MED27: variants seen among roughly 807,000 people sequenced by gnomAD.
MED27 encodes the protein mediator complex subunit 27.
Under a neutral mutation model 38.2 loss-of-function variants are expected in MED27, and 30 were observed. The observed-to-expected ratio is 0.79, with a 90% CI of 0.59 to 1.07. MED27 has a LOEUF of 1.07. MED27 is among the 50% of genes least tolerant of loss of function. The pLI, the probability that MED27 is intolerant of heterozygous loss-of-function variation, is 0.00. For synonymous variants in MED27, 122 were observed against 153.5 expected (o/e 0.79, Z 1.52); for missense variants, 289 against 397.5 (o/e 0.73, Z 2.32).
At chr9:132,006,454 G>C (rs1042468696) in intron 3 of MED27, among the ~76,000 whole-genome samples, 8 of 152,128 alleles carry the variant, frequency 5.3e-5, no homozygotes, top group Admixed American at 5.2e-4. Flanking sequence ...TAACATAAAT[G>C]AATCAGCATA....
chr9:132,029,123 A>C (rs975962511), intron 2 of MED27, among the ~76,000 whole-genome samples: 2 of 152,180 alleles, frequency 1.3e-5, no homozygotes, highest in Non-Finnish European at 2.9e-5. Flanking sequence ...TCCAACTCCT[A>C]TCAAAAATCT....
At chr9:131,884,496 TGGCTCTTCTTATACTCCCTTG>T (rs1197890384) in intron 5 of MED27, among the ~76,000 whole-genome samples, 2 of 152,192 alleles carry the variant, frequency 1.3e-5, no homozygotes, top group African/African-American at 4.8e-5. Flanking sequence ...AACCCCCATG[TGGCTCTTCTTATACTCCCTTG>T]AGCTCAAATG....
At chr9:131,876,394 G>A (rs1838933827) in intron 6 of MED27, among the ~76,000 whole-genome samples, 1 of 152,304 alleles carries the variant, frequency 6.6e-6, no homozygotes, top group South Asian at 2.1e-4. Context: ...CCATAAAACT[G>A]GGTTCATGTG....
intron 4 of MED27, among the ~76,000 whole-genome samples, chr9:131,896,973 G>A (rs113248320): frequency 2.0e-5 from 3 of 152,158 alleles, no homozygotes; most frequent in Non-Finnish European, 4.4e-5. Context: ...CTCATGGTCC[G>A]CCCGCCTTGG....
chr9:131,903,969 G>C (rs1322999693), intron 4 of MED27, among the ~76,000 whole-genome samples: 1 of 151,396 alleles, frequency 6.6e-6, no homozygotes, highest in Non-Finnish European at 1.5e-5. Flanking sequence ...CGTGATCTCG[G>C]CTCACTGCAA....
intron 2 of MED27, among the ~76,000 whole-genome samples, chr9:132,055,861 C>T (rs1833564893): frequency 6.6e-6 from 1 of 152,214 alleles, no homozygotes; most frequent in Non-Finnish European, 1.5e-5. Flanking sequence ...TTATGATGTG[C>T]CAGATGCCAC....
intron 2 of MED27, among the ~76,000 whole-genome samples, chr9:132,062,788 A>G (rs1833727253): frequency 6.6e-6 from 1 of 151,894 alleles, no homozygotes; most frequent in African/African-American, 2.4e-5. Context: ...CACTTGGCAG[A>G]TATTTTCATT....
chr9:131,904,643 G>C (rs1830020595), intron 4 of MED27, among the ~76,000 whole-genome samples: 2 of 152,142 alleles, frequency 1.3e-5, no homozygotes, highest in African/African-American at 4.8e-5. Context: ...ACAGGTGTGA[G>C]TCATTGCACC....
intron 5 of MED27, among the ~76,000 whole-genome samples, chr9:131,888,086 C>A (rs187783374): frequency 6.6e-6 from 1 of 152,140 alleles, no homozygotes; most frequent in Admixed American, 6.5e-5. Context: ...ACAATCAGAG[C>A]GACCCAGTAT....
chr9:131,864,311 G>A (rs777449202), intron 6 of MED27, among the ~76,000 whole-genome samples: 17 of 152,058 alleles, frequency 1.1e-4, no homozygotes, highest in African/African-American at 4.1e-4. Flanking sequence ...GCAAGACCCC[G>A]CCTCTATAGA....
intron 6 of MED27, among the ~76,000 whole-genome samples, chr9:131,865,641 C>A (rs2131449961): frequency 6.6e-6 from 1 of 152,300 alleles, no homozygotes; most frequent in East Asian, 1.9e-4. Context: ...TTCCGTAGCT[C>A]CGTGTGTGAC....
intron 2 of MED27, among the ~76,000 whole-genome samples, chr9:132,056,149 G>A (rs1245671141): frequency 2.6e-5 from 4 of 152,124 alleles, no homozygotes; most frequent in African/African-American, 9.7e-5. Context: ...AAATAACTAT[G>A]GCATATTTGC....
At chr9:131,932,356 G>A (rs552447654) in intron 4 of MED27, among the ~76,000 whole-genome samples, 17 of 140,596 alleles carry the variant, frequency 1.2e-4, no homozygotes, top group African/African-American at 4.6e-4. Context: ...AATAAAACTG[G>A]CAAACCTTTA....
In MED27 at chr9:131,860,789, G is replaced by T; in HGVS notation, c.802-117C>A. On this transcript the variant is annotated intron_variant, in intron 7 of 7. Transcript: ENST00000292035. This position sits in a 1 kb window ranked among gnomAD's most constrained non-coding sequence, Gnocchi z 5.8. ...TAAGTTGGCTTTGGCCCCAGAAGAT[G>T]CCCTGTGATTTCACAGGGAGCAGCA... 1 of 1,180,302 alleles carries T rather than the reference G, an allele frequency of 8.5e-7. No individual in the cohort carries two copies. The highest frequency in any genetic ancestry group is 1.2e-6 in the Non-Finnish European group (1 of 835,868). 73.1% of individuals were successfully genotyped at this position (1,180,302 alleles called of 1,614,324 possible).
chr9:132,079,603 G>A (rs1325668000), intron 1 of MED27, 39 bp downstream of exon 1: 4 of 1,603,580 alleles, frequency 2.5e-6, no homozygotes, highest in South Asian at 1.1e-5. Context: ...GTCGGAGCGG[G>A]GCCGGTCCCC....
chr9:131,963,735 T>C (rs780687162), intron 3 of MED27, among the ~76,000 whole-genome samples: 6 of 152,242 alleles, frequency 3.9e-5, no homozygotes, highest in Non-Finnish European at 8.8e-5. Context: ...CATCGGCTCC[T>C]GTGCTTTATA....
intron 3 of MED27, among the ~76,000 whole-genome samples, chr9:131,948,201 C>T (rs911404113): frequency 3.3e-5 from 5 of 152,064 alleles, no homozygotes; most frequent in Admixed American, 2.6e-4. Context: ...ACTGTACAAC[C>T]AGGCCGGGTA....
At chr9:131,944,010 G>A (rs757171144) in intron 3 of MED27, among the ~76,000 whole-genome samples, 4 of 152,082 alleles carry the variant, frequency 2.6e-5, no homozygotes, top group African/African-American at 9.7e-5. Context: ...GACTCTCAAC[G>A]GTTTCCAATC....
intron 2 of MED27, among the ~76,000 whole-genome samples, chr9:132,025,922 C>G (rs1832808415): frequency 6.6e-6 from 1 of 152,034 alleles, no homozygotes; most frequent in Admixed American, 6.6e-5. Context: ...GAACTTGTAT[C>G]TGATGAAAAA....
Sources: gnomAD v4.1 joint callset for allele counts (sites outside exome capture counted in the v4.1 genomes callset) on GRCh38, gnomAD v4.1.1 for gene constraint, Gnocchi (gnomAD v3.1) non-coding constraint, MANE v1.5 for transcripts, NCBI Gene and HGNC (gene_info 2026-07-23, HGNC 2026-07-21) for gene names.